The following TWSG1 variants were observed in gnomAD, a reference collection of about 807,000 sequenced individuals.
TWSG1 encodes twisted gastrulation BMP signaling modulator 1, also known as twisted gastrulation protein homolog 1.
In TWSG1, 15 loss-of-function variants were observed where a neutral mutation model predicts 23.0. The ratio of observed to expected loss-of-function variants is 0.65; its 90% CI spans 0.44 to 1.00. TWSG1 has a LOEUF of 1.00. TWSG1 is among the 50% of genes least tolerant of loss of function. The pLI is 0.00. For synonymous variants in TWSG1, 86 were observed against 92.8 expected (o/e 0.93, Z 0.42); for missense variants, 242 against 278.7 (o/e 0.87, Z 0.94).
intron 3 of TWSG1, among the ~76,000 whole-genome samples, chr18:9,363,126 CCT>C (rs903637978): frequency 6.6e-6 from 1 of 152,206 alleles, no homozygotes; most frequent in Non-Finnish European, 1.5e-5. Flanking sequence ...GCCTTCCTTT[CCT>C]CTCTCATTCT....
intron 3 of TWSG1, among the ~76,000 whole-genome samples, chr18:9,373,058 G>A (rs767741313): frequency 6.6e-6 from 1 of 152,140 alleles, no homozygotes; most frequent in East Asian, 1.9e-4. Flanking sequence ...AATGGATGGA[G>A]AATGATATAC....
At chr18:9,375,519 T>A (rs766685192) in intron 3 of TWSG1, among the ~76,000 whole-genome samples, 27 of 152,070 alleles carry the variant, frequency 1.8e-4, no homozygotes, top group Non-Finnish European at 3.2e-4. Flanking sequence ...AAATAAAAGG[T>A]GTACAGAGTA....
chr18:9,373,286 T>C (rs1310877257), intron 3 of TWSG1, among the ~76,000 whole-genome samples: 1 of 152,154 alleles, frequency 6.6e-6, no homozygotes, highest in East Asian at 1.9e-4. Context: ...CATGCCACTT[T>C]GGGAGGCTGA....
chr18:9,385,866 G>T (rs1400967166), intron 3 of TWSG1, among the ~76,000 whole-genome samples: 1 of 151,906 alleles, frequency 6.6e-6, no homozygotes, highest in African/African-American at 2.4e-5. Flanking sequence ...GAAAGCTTTT[G>T]CAAATTTAAA....
At chr18:9,374,893 T>G (rs1346953656) in intron 3 of TWSG1, among the ~76,000 whole-genome samples, 1 of 152,030 alleles carries the variant, frequency 6.6e-6, no homozygotes, top group Non-Finnish European at 1.5e-5. Context: ...CTGGGTGTGG[T>G]GCGGTGGCTC....
At chr18:9,386,544 T>A in intron 3 of TWSG1, among the ~76,000 whole-genome samples, 1 of 134,058 alleles carries the variant, frequency 7.5e-6, no homozygotes, top group African/African-American at 2.8e-5. Flanking sequence ...AGGCAGATAA[T>A]ATAACAGGGA....
At chr18:9,347,351 T>C (rs1568031573) in intron 2 of TWSG1, among the ~76,000 whole-genome samples, 1 of 152,226 alleles carries the variant, frequency 6.6e-6, no homozygotes, top group Non-Finnish European at 1.5e-5. Context: ...CATTTATTTC[T>C]TTCATGAATT....
chr18:9,361,069 C>T (rs769415904), intron 3 of TWSG1, among the ~76,000 whole-genome samples: 9 of 152,100 alleles, frequency 5.9e-5, no homozygotes, highest in Non-Finnish European at 1.2e-4. Flanking sequence ...ATAATATATA[C>T]TCATTTGATG....
chr18:9,335,375 G>T (rs902599964), intron 1 of TWSG1, among the ~76,000 whole-genome samples: 1 of 152,256 alleles, frequency 6.6e-6, no homozygotes, highest in African/African-American at 2.4e-5. Flanking sequence ...CAATTTTGAT[G>T]CATGATGGTT....
intron 3 of TWSG1, among the ~76,000 whole-genome samples, chr18:9,368,375 G>T (rs1176545950): frequency 6.6e-6 from 1 of 152,072 alleles, no homozygotes; most frequent in East Asian, 1.9e-4. Flanking sequence ...TAATTTTTTT[G>T]TATTTTTAGG....
chr18:9,338,409 AAC>A (rs1452070268), intron 2 of TWSG1, among the ~76,000 whole-genome samples: 1 of 152,214 alleles, frequency 6.6e-6, no homozygotes, highest in Non-Finnish European at 1.5e-5. Flanking sequence ...GAATATAATG[AAC>A]CATCCATGAG....
Position 9,337,261 on chromosome 18 carries a change from T to C in TWSG1, c.32T>C (p.Leu11Pro). MKLHYVAVLT[L>P]AILMFLTWLP... ...TTACACTATGTTGCTGTGCTTACTCTAGCCATCCTGATGTTCCTGACATGG... is the reference window on the plus strand; with the variant it reads ...TTACACTATGTTGCTGTGCTTACTCCAGCCATCCTGATGTTCCTGACATGG... Residue 11 changes from leucine (L) to proline (P), a missense_variant, in exon 2 of 5, where the codon CTA (leucine) becomes CCA (proline). Transcript: ENST00000262120. 1.2e-6 allele frequency: 2 copies of C among 1,613,180 alleles called. No individual in the cohort carries two copies. Among genetic ancestry groups the C allele is most frequent in the African/African-American group, 2.7e-5 (2 of 75,052 alleles).
intron 3 of TWSG1, among the ~76,000 whole-genome samples, chr18:9,372,250 A>C (rs2040609273): frequency 1.3e-5 from 2 of 151,642 alleles, no homozygotes; most frequent in Non-Finnish European, 2.9e-5. Context: ...GATAGTACCA[A>C]ACCTTATAAA....
At chr18:9,343,042 GTTA>G (rs2145592310) in intron 2 of TWSG1, among the ~76,000 whole-genome samples, 1 of 151,838 alleles carries the variant, frequency 6.6e-6, no homozygotes, top group South Asian at 2.1e-4. Flanking sequence ...AGGTAACTTT[GTTA>G]TTCTCTCTAG....
At chr18:9,392,579 T>C (rs189114941) in intron 3 of TWSG1, among the ~76,000 whole-genome samples, 2 of 152,286 alleles carry the variant, frequency 1.3e-5, no homozygotes, top group African/African-American at 4.8e-5. Flanking sequence ...GTGTTCAGAG[T>C]AACACTTTTC....
intron 3 of TWSG1, among the ~76,000 whole-genome samples, chr18:9,391,063 T>A: frequency 6.6e-6 from 1 of 152,212 alleles, no homozygotes; most frequent in East Asian, 1.9e-4. Flanking sequence ...CTGCACTGCT[T>A]TAACAACTAG....
chr18:9,344,619 C>T (rs1437228955), intron 2 of TWSG1, among the ~76,000 whole-genome samples: 1 of 150,284 alleles, frequency 6.7e-6, no homozygotes, highest in Non-Finnish European at 1.5e-5. Context: ...ACCTCAACCT[C>T]CTGGACTCAA....
chr18:9,364,742 C>T (rs1169130877), intron 3 of TWSG1, among the ~76,000 whole-genome samples: 2 of 151,392 alleles, frequency 1.3e-5, no homozygotes, highest in Non-Finnish European at 2.9e-5. Context: ...TGCAGTGAGC[C>T]GAGATAGTGC....
At chr18:9,379,707 A>G (rs1461225879) in intron 3 of TWSG1, among the ~76,000 whole-genome samples, 1 of 152,216 alleles carries the variant, frequency 6.6e-6, no homozygotes, top group Non-Finnish European at 1.5e-5. Context: ...AGAGGAAAAA[A>G]CTATAATGGA....
Sources: allele counts gnomAD v4.1 joint callset (sites outside exome capture counted in the v4.1 genomes callset), GRCh38; gene constraint gnomAD v4.1.1; transcripts MANE v1.5; gene names NCBI Gene and HGNC (gene_info 2026-07-23, HGNC 2026-07-21).